Variants in PKMYT1 observed in about 807,000 individuals in gnomAD.
PKMYT1 encodes the protein membrane-associated tyrosine- and threonine-specific cdc2-inhibitory kinase.
A neutral mutation model predicts 49.7 loss-of-function variants in PKMYT1; 35 were observed. That is an observed-to-expected ratio of 0.70 (90% CI 0.54 to 0.93). PKMYT1 has a LOEUF of 0.93. PKMYT1 is among the 40% of genes least tolerant of loss of function. PKMYT1 has a pLI of 0.00. For synonymous variants in PKMYT1, 331 were observed against 287.6 expected (o/e 1.15, Z -1.53); for missense variants, 677 against 673.1 (o/e 1.01, Z -0.06).
At position 2,976,501 on chromosome 16, in the gene PKMYT1, G is replaced by A. The variant is rs4149790; in HGVS notation, c.378+163C>T. Among the ~76,000 whole-genome samples the A allele has an allele frequency of 5.0e-3, 757 of 152,344 alleles. 9 individuals carry two copies. Among genetic ancestry groups the A allele is most frequent in the African/African-American group, 0.017 (716 of 41,578 alleles). On this transcript the variant is annotated intron_variant, in intron 3 of 8. Coordinates refer to ENST00000262300, the MANE Select transcript of PKMYT1 (RefSeq NM_004203.5). ...TGGAGGGGCCTGCATTGGGGATGATGGGAGCAGCCAAGTCAAATGTGGAGG... is the reference window on the plus strand; with the variant it reads ...TGGAGGGGCCTGCATTGGGGATGATAGGAGCAGCCAAGTCAAATGTGGAGG...
rs1466446095 is a variant in PKMYT1 at position 2,979,493 on chromosome 16, C to T, written c.10+155G>A. 20 of 664,908 alleles carry T rather than the reference C, an allele frequency of 3.0e-5. No homozygotes were observed. The East Asian group carries it at 5.2e-4, about 17-fold the overall frequency. The allele number at this position is 664,908 out of a possible 1,614,324, so 41.2% of individuals were successfully genotyped here. A position where few individuals can be genotyped will look rare whatever the true frequency, so the allele number is the denominator to read the frequency against. On this transcript the variant is annotated intron_variant, in intron 2 of 8. Coordinates refer to ENST00000262300, the MANE Select transcript of PKMYT1 (RefSeq NM_004203.5). ...TCTGACTCTAACTACCTCAGAGTCC[C>T]AGCCCAGGGTTTCTCCAAGTCAGGA...
chr16:2,973,989 C>T lies in PKMYT1; in HGVS notation c.1310+11G>A. 6.2e-7 allele frequency: 1 copy of T among 1,612,252 alleles called. No homozygotes were observed. The highest frequency in any genetic ancestry group is 8.5e-7 in the Non-Finnish European group (1 of 1,179,692). ...TCCCCCTAGCCCCCCATACCCTGCA[C>T]TTGAACCCACCCTAGGCTGTCGTCA... On this transcript the variant is annotated intron_variant, in intron 7 of 8. Transcript: ENST00000262300.
At chr16:2,973,420 CCT>C (rs2072069572) in intron 7 of PKMYT1, 7 of 1,533,502 alleles carry the variant, frequency 4.6e-6, no homozygotes, top group Non-Finnish European at 5.2e-6. Flanking sequence ...TCCAAGGCCC[CCT>C]CTGTCCTTTT....
Position 2,976,873 on chromosome 16 carries a change from C to T in PKMYT1, c.169G>A (p.Ala57Thr). The change falls in exon 3 of 9, where the codon GCC (alanine) becomes ACC (threonine). Residue 57 changes from alanine (A) to threonine (T), a missense_variant. Ala to Thr is a moderately conservative substitution (Grantham distance 58). Coordinates refer to ENST00000262300, the MANE Select transcript of PKMYT1 (RefSeq NM_004203.5). Reference protein sequence around the residue: ...LSRSLPPPPPAKGSIPISRLF... With the variant: ...LSRSLPPPPPTKGSIPISRLF... The stretch of plus-strand genomic sequence containing the variant: ...CGGCTGATGGGAATGCTGCCCTTGG[C>T]AGGGGGCGGAGGTGGGAGGCTCCGG... 6.5e-7 allele frequency: 1 copy of T among 1,530,330 alleles called. No homozygotes were observed. Among genetic ancestry groups the T allele is most frequent in the Non-Finnish European group, 8.8e-7 (1 of 1,133,256 alleles). 94.8% of individuals were successfully genotyped at this position (1,530,330 alleles called of 1,614,324 possible).
chr16:2,979,328 C>T (rs2072281910), intron 2 of PKMYT1: 1 of 238,576 alleles, frequency 4.2e-6, no homozygotes, highest in Admixed American at 5.5e-5. Flanking sequence ...AGCAAAACTC[C>T]ATCTCAAAAA....
In PKMYT1 at chr16:2,979,758, T is replaced by A. The variant is rs929494398; in HGVS notation, c.-101A>T. 1.9e-5 allele frequency: 28 copies of A among 1,482,802 alleles called. No individual in the cohort carries two copies. Among genetic ancestry groups the A allele is most frequent in the Non-Finnish European group, 2.5e-5 (27 of 1,071,912 alleles). 91.9% of individuals were successfully genotyped at this position (1,482,802 alleles called of 1,614,324 possible). A position where few individuals can be genotyped will look rare whatever the true frequency, so the allele number is the denominator to read the frequency against. On this transcript the variant is annotated 5_prime_UTR_variant, in exon 2 of 9. Coordinates refer to ENST00000262300, the MANE Select transcript of PKMYT1 (RefSeq NM_004203.5). ...TCCCTGAGCTAAGGCCAGGCGGGGGTGACCTCCGCAGCTTCCGGGGCCCTG... is the reference window on the plus strand; with the variant it reads ...TCCCTGAGCTAAGGCCAGGCGGGGGAGACCTCCGCAGCTTCCGGGGCCCTG...
rs2072101744 is a variant in PKMYT1, at chr16:2,974,023, G to A, written c.1287C>T (p.Ser429=). 3 of 1,612,574 alleles carry A rather than the reference G, an allele frequency of 1.9e-6. No homozygotes were observed. Among genetic ancestry groups the A allele is most frequent in the Non-Finnish European group, 2.5e-6 (3 of 1,179,916 alleles). The change falls in exon 7 of 9, where the codon AGC becomes AGT. Residue 429 remains serine, a synonymous_variant. Coordinates refer to ENST00000262300, the MANE Select transcript of PKMYT1 (RefSeq NM_004203.5). ...ACCCTAGGCTGTCGTCATCCCAGTT[G>A]CTGGAGAGGCTGCTGTCCAGGAGCA... ...CSLLLDSSLS[S]NWDDDSLGPS...
At chr16:2,980,007 A>G in intron 1 of PKMYT1, 95 bp from the exon 2 acceptor site, 1 of 340,502 alleles carries the variant, frequency 2.9e-6, no homozygotes, top group Non-Finnish European at 5.6e-6. Context: ...TCACGGAGGA[A>G]GGACTGTCAC....
chr16:2,977,210 TCA>T, intron 2 of PKMYT1, 179 bp from the exon 3 acceptor site: 1 of 1,419,298 alleles, frequency 7.0e-7, no homozygotes, highest in Non-Finnish European at 9.2e-7. Context: ...AGATTCATAC[TCA>T]CCTGCCCACC....
chr16:2,974,684 G>A (rs927192030), intron 4 of PKMYT1, 28 bp from the exon 5 acceptor site: 49 of 1,483,534 alleles, frequency 3.3e-5, no homozygotes, highest in Non-Finnish European at 4.0e-5. Flanking sequence ...GGGACAGAAA[G>A]GGGCAGGGTT....
At chr16:2,977,407 G>A (rs564424869) in intron 2 of PKMYT1, 97 of 1,015,944 alleles carry the variant, frequency 9.5e-5, no homozygotes, top group Non-Finnish European at 1.1e-4. Flanking sequence ...GAGACTACAC[G>A]GGCCCACGAT....
rs964475780 is a variant in PKMYT1, at chr16:2,980,413, G to A, written c.-383C>T. On this transcript the variant is annotated 5_prime_UTR_variant, in exon 1 of 9. Transcript: ENST00000262300. ...GACTGTTCCGGACGCCCGGGCGGAG[G>A]ACTCCCGTGAGGGGGAACGGCCCGT... The A allele has an allele frequency of 3.3e-5, 5 of 152,270 alleles. No individual in the cohort carries two copies. Among genetic ancestry groups the A allele is most frequent in the Admixed American group, 6.5e-5 (1 of 15,290 alleles). The allele number at this position is 152,270 out of a possible 1,614,324, so 9.4% of individuals were successfully genotyped here.
rs1237320479 is a variant in PKMYT1 at position 2,974,025 on chromosome 16, T to C, written c.1285A>G (p.Ser429Gly). The change falls in exon 7 of 9, where the codon AGC (serine) becomes GGC (glycine). Residue 429 changes from serine to glycine, a missense_variant. By Grantham distance (56) the Ser-to-Gly change is moderately conservative. Coordinates refer to ENST00000262300, the MANE Select transcript of PKMYT1 (RefSeq NM_004203.5). Reference protein sequence around the residue: ...CSLLLDSSLSSNWDDDSLGPS... With the variant: ...CSLLLDSSLSGNWDDDSLGPS... ...CCTAGGCTGTCGTCATCCCAGTTGCTGGAGAGGCTGCTGTCCAGGAGCAAA... is the reference window on the plus strand; with the variant it reads ...CCTAGGCTGTCGTCATCCCAGTTGCCGGAGAGGCTGCTGTCCAGGAGCAAA... 2 of 1,612,450 alleles carry C rather than the reference T, an allele frequency of 1.2e-6. No individual in the cohort carries two copies. Among genetic ancestry groups the C allele is most frequent in the African/African-American group, 2.7e-5 (2 of 74,888 alleles).
chr16:2,976,447 C>T (rs1272013872), intron 3 of PKMYT1, among the ~76,000 whole-genome samples: 2 of 152,158 alleles, frequency 1.3e-5, no homozygotes, highest in African/African-American at 4.8e-5. Context: ...AGACTCTGGA[C>T]AAGGGGCCAG....
Position 2,975,713 on chromosome 16 carries a change from T to C in PKMYT1, c.478A>G (p.Ser160Gly). The C allele has an allele frequency of 6.2e-7, 1 of 1,606,892 alleles. No individual in the cohort carries two copies. Among genetic ancestry groups the C allele is most frequent in the East Asian group, 2.2e-5 (1 of 44,876 alleles). The change falls in exon 4 of 9, where the codon AGC becomes GGC. Residue 160 changes from serine to glycine, a missense_variant. By Grantham distance (56) the Ser-to-Gly change is moderately conservative (BLOSUM62 0). Transcript: ENST00000262300. ...GGGTGCTGCCCCACCTTCTCGTGGC[T>C]GCCCACCTCGGCCAACTTGCGGGCC... is the stretch of plus-strand genomic sequence containing the variant. ...DRARKLAEVG[S>G]HEKVGQHPCC...
intron 2 of PKMYT1, chr16:2,977,256 A>G (rs2072223534): frequency 1.4e-6 from 2 of 1,384,562 alleles, no homozygotes; most frequent in Non-Finnish European, 9.4e-7. Context: ...TAGAAACATA[A>G]GAGGAAAACC....
In PKMYT1 at chr16:2,974,207, G is replaced by A. The variant is rs766471733; in HGVS notation, c.1152+38C>T. On this transcript the variant is annotated intron_variant, in intron 6 of 8. Coordinates refer to ENST00000262300, the MANE Select transcript of PKMYT1 (RefSeq NM_004203.5). ...GTGGGTGGGCGGACCCCCGGGGCTGGGGAGCAGGGCAGGCAGCCGCCACTG... is the reference window on the plus strand; with the variant it reads ...GTGGGTGGGCGGACCCCCGGGGCTGAGGAGCAGGGCAGGCAGCCGCCACTG... 37 of 1,559,080 alleles carry A rather than the reference G, an allele frequency of 2.4e-5. No homozygotes were observed. In the South Asian group the frequency reaches 3.7e-4, roughly 16 times the overall value.
Position 2,975,307 on chromosome 16 carries a change from C to T in PKMYT1, c.872+12G>A. ...ACAGCCTGCCAAACACCTGGCGTGC[C>T]CCGGTCCCCACCTGAACACATCCGC... On this transcript the variant is annotated intron_variant, in intron 4 of 8. Transcript: ENST00000262300. 6.3e-7 allele frequency: 1 copy of T among 1,597,640 alleles called. No individual in the cohort carries two copies. Among genetic ancestry groups the T allele is most frequent in the Non-Finnish European group, 8.5e-7 (1 of 1,169,886 alleles).
chr16:2,977,415 G>A (rs4149779), intron 2 of PKMYT1: 1,766 of 1,012,422 alleles, frequency 1.7e-3, no homozygotes, highest in South Asian at 6.6e-3. Flanking sequence ...ACGGGCCCAC[G>A]ATCCCTTATC....
Sources: gnomAD v4.1 joint callset for allele counts (sites outside exome capture counted in the v4.1 genomes callset) on GRCh38, gnomAD v4.1.1 for gene constraint, MANE v1.5 for transcripts, NCBI Gene and HGNC (gene_info 2026-07-23, HGNC 2026-07-21) for gene names.